POMP: variants seen among roughly 807,000 people sequenced by gnomAD.
The protein encoded by POMP is proteasome maturation protein.
A neutral mutation model predicts 20.6 loss-of-function variants in POMP; 12 were observed. That is an observed-to-expected ratio of 0.58 (90% CI 0.37 to 0.94). POMP has a LOEUF of 0.94. Among genes scored for constraint, POMP ranks in the 40% least tolerant of loss-of-function variants. POMP has a pLI of 0.01. For missense variants in POMP, 136 were observed against 161.1 expected (o/e 0.84, Z 0.84); for synonymous variants, 53 against 55.0 (o/e 0.96, Z 0.16).
chr13:28,659,320 C>T, intron 1 of POMP, 133 bp downstream of exon 1: 1 of 1,429,290 alleles, frequency 7.0e-7, no homozygotes, highest in Non-Finnish European at 9.5e-7. Flanking sequence ...CGGCCTCAGG[C>T]GCCATAATCT....
intron 1 of POMP, among the ~76,000 whole-genome samples, chr13:28,661,984 G>C (rs1009941011): frequency 2.0e-5 from 3 of 152,148 alleles, no homozygotes; most frequent in Admixed American, 6.6e-5. Context: ...CCTTTCAGAG[G>C]CTTTCAGTTT....
chr13:28,673,843 A>G (rs1884589189), intron 5 of POMP, among the ~76,000 whole-genome samples: 1 of 152,256 alleles, frequency 6.6e-6, no homozygotes, highest in African/African-American at 2.4e-5. Context: ...AATATGTGTC[A>G]GGCACTGGGC....
In POMP at chr13:28,661,222, G is replaced by C. The variant is rs560868471; in HGVS notation, c.4-1188G>C. 1.2e-4 allele frequency among the ~76,000 whole-genome samples: 19 copies of C among 152,258 alleles called. 1 individual carries two copies. The South Asian group carries it at 2.3e-3, about 18-fold the overall frequency. ...TGACACCTGTAATTCCAGCACTTTG[G>C]GGGGTGCTGAGGCAGGAAGATGGCT... On this transcript the variant is annotated intron_variant, in intron 1 of 5. Transcript: ENST00000380842.
chr13:28,677,556 A>G (rs747619272), intron 5 of POMP, among the ~76,000 whole-genome samples: 32 of 152,176 alleles, frequency 2.1e-4, no homozygotes, highest in Non-Finnish European at 2.6e-4. Flanking sequence ...ATGATTTTTA[A>G]AGGTTTTCTT....
intron 3 of POMP, among the ~76,000 whole-genome samples, chr13:28,667,210 A>T (rs917300787): frequency 1.3e-5 from 2 of 152,194 alleles, no homozygotes; most frequent in African/African-American, 2.4e-5. Context: ...CAAAATTTAC[A>T]TAAATTGAGT....
At chr13:28,664,607 T>TTAGA in intron 3 of POMP, 38 bp downstream of exon 3, 8 of 1,174,626 alleles carry the variant, frequency 6.8e-6, no homozygotes, top group Non-Finnish European at 8.7e-6. Context: ...TATCTTCTAA[T>TTAGA]AGATAAATAC....
rs1290813461 is a variant in POMP, at chr13:28,678,706, AC to A, written c.*605del. Reference sequence around the variant, plus strand: ...AAAGCAACCAGTAGATGTAGGTTAAACTTTTACTTCATAGACTTAATATGTA... The same window carrying A: ...AAAGCAACCAGTAGATGTAGGTTAAATTTTACTTCATAGACTTAATATGTA... On this transcript the variant is annotated 3_prime_UTR_variant, in exon 6 of 6. Coordinates refer to ENST00000380842, the MANE Select transcript of POMP (RefSeq NM_015932.6). The A allele has an allele frequency of 1.3e-5, 2 of 152,622 alleles. No individual in the cohort carries two copies. The highest frequency in any genetic ancestry group is 2.9e-5 in the Non-Finnish European group (2 of 68,374). 9.5% of individuals were successfully genotyped at this position (152,622 alleles called of 1,614,324 possible). A position where few individuals can be genotyped will look rare whatever the true frequency, so the allele number is the denominator to read the frequency against.
At chr13:28,659,262 C>A in intron 1 of POMP, 75 bp downstream of exon 1, 1 of 1,548,084 alleles carries the variant, frequency 6.5e-7, no homozygotes, top group East Asian at 2.4e-5. Context: ...GCAGTCGCCT[C>A]CCAACCCGTC....
chr13:28,677,916 GT>G (rs1884656121), intron 5 of POMP, 118 bp from the exon 6 acceptor site: 1 of 1,035,414 alleles, frequency 9.7e-7, no homozygotes, highest in Non-Finnish European at 1.5e-6. Context: ...GCAATCACTG[GT>G]TTGTTTTCTA....
At chr13:28,673,377 T>A (rs1884583411) in intron 5 of POMP, among the ~76,000 whole-genome samples, 1 of 152,230 alleles carries the variant, frequency 6.6e-6, no homozygotes, top group Admixed American at 6.5e-5. Context: ...CCGAATCTGT[T>A]ATTTTTAATA....
At chr13:28,668,378 C>G in intron 3 of POMP, 95 bp from the exon 4 acceptor site, 3 of 866,902 alleles carry the variant, frequency 3.5e-6, no homozygotes, top group Non-Finnish European at 5.7e-6. Flanking sequence ...TATTAAAATT[C>G]TTCATCTAAC....
chr13:28,664,753 C>T (rs1884411919), intron 3 of POMP, among the ~76,000 whole-genome samples, 184 bp downstream of exon 3: 1 of 152,294 alleles, frequency 6.6e-6, no homozygotes, highest in African/African-American at 2.4e-5. Context: ...AGCTCCCTTT[C>T]TATGCGTTCT....
Position 28,678,108 on chromosome 13 carries a change from T to C in POMP, c.*6T>C, listed in dbSNP as rs1157897431. The C allele has an allele frequency of 6.2e-7, 1 of 1,612,416 alleles. No homozygotes were observed. The highest frequency in any genetic ancestry group is 1.1e-5 in the South Asian group (1 of 91,042). On this transcript the variant is annotated 3_prime_UTR_variant, in exon 6 of 6. Coordinates refer to ENST00000380842, the MANE Select transcript of POMP (RefSeq NM_015932.6). ...ATAAACTTGGTTTACTGTAATAGTG[T>C]GCTGTTCATGGAAACCGAGGGCTGC...
chr13:28,659,333 C>A (rs914673185), intron 1 of POMP, 146 bp downstream of exon 1: 1 of 1,368,432 alleles, frequency 7.3e-7, no homozygotes, highest in Non-Finnish European at 1.0e-6. Context: ...CATAATCTGT[C>A]GAGTCACGGG....
intron 3 of POMP, 57 bp from the exon 4 acceptor site, chr13:28,668,412 GCTAA>G (rs1884483436): frequency 1.7e-6 from 2 of 1,204,368 alleles, no homozygotes; most frequent in Non-Finnish European, 2.5e-6. Flanking sequence ...ATATGCCACT[GCTAA>G]CTGTTTTGAA....
intron 5 of POMP, among the ~76,000 whole-genome samples, chr13:28,675,231 C>T (rs960647301): frequency 6.6e-6 from 1 of 151,806 alleles, no homozygotes; most frequent in Non-Finnish European, 1.5e-5. Context: ...ACCTCCACCT[C>T]CTGGGTTCAA....
intron 4 of POMP, 33 bp downstream of exon 4, chr13:28,668,607 G>C: frequency 4.1e-6 from 6 of 1,453,472 alleles, no homozygotes; most frequent in Non-Finnish European, 5.8e-6. Flanking sequence ...CATATGTGTC[G>C]ATATCATTCA....
At chr13:28,671,384 C>A (rs1263399274) in intron 4 of POMP, among the ~76,000 whole-genome samples, 1 of 151,672 alleles carries the variant, frequency 6.6e-6, no homozygotes, top group African/African-American at 2.4e-5. Flanking sequence ...CTACAGATTG[C>A]TCAAATTCTG....
In POMP at chr13:28,662,289, T is replaced by G. The variant is rs942885769; in HGVS notation, c.4-121T>G. 1.6e-5 allele frequency: 11 copies of G among 678,636 alleles called. 2 individuals carry two copies. In the South Asian group the frequency reaches 1.9e-4, roughly 12 times the overall value. 42.0% of individuals were successfully genotyped at this position (678,636 alleles called of 1,614,324 possible). On this transcript the variant is annotated intron_variant, in intron 1 of 5. Transcript: ENST00000380842. ...TAAGGCTTGCTGTAATTGTCTAGTC[T>G]GGACTTTTTGAGGGCCTCTTATTTT...
Sources: allele counts gnomAD v4.1 joint callset (sites outside exome capture counted in the v4.1 genomes callset), GRCh38; gene constraint gnomAD v4.1.1; transcripts MANE v1.5; gene names NCBI Gene and HGNC (gene_info 2026-07-23, HGNC 2026-07-21).